The following SPTA1 variants were observed in gnomAD, a reference collection of about 807,000 sequenced individuals.
SPTA1 encodes spectrin alpha chain, erythrocytic 1.
In SPTA1, 177 loss-of-function variants were observed where a neutral mutation model predicts 324.7. The ratio of observed to expected loss-of-function variants is 0.55; its 90% CI spans 0.48 to 0.62. The LOEUF is 0.62. SPTA1 is among the 20% of genes least tolerant of loss of function. The pLI is 0.00. For missense variants in SPTA1, 3,162 were observed against 2,883.6 expected, an observed-to-expected ratio of 1.10 and a Z score of -2.21; for synonymous variants, 1,195 against 1,041.3, an observed-to-expected ratio of 1.15 and a Z score of -2.84.
intron 36 of SPTA1, among the ~76,000 whole-genome samples, chr1:158,637,399 G>GA (rs575523340): frequency 4.2e-4 from 64 of 152,346 alleles, no homozygotes; most frequent in African/African-American, 1.3e-3. Flanking sequence ...AGAGAAGCGT[G>GA]ATGAGGCAGG....
At chr1:158,685,440 C>A in intron 1 of SPTA1, 93 bp from the exon 2 acceptor site, 2 of 1,555,444 alleles carry the variant, frequency 1.3e-6, no homozygotes, top group South Asian at 1.1e-5. Flanking sequence ...TCATGTTGGA[C>A]CTATATTCAG....
intron 16 of SPTA1, among the ~76,000 whole-genome samples, chr1:158,664,142 C>A (rs35978731): frequency 6.6e-6 from 1 of 152,078 alleles, no homozygotes. Flanking sequence ...GATCTAGAAC[C>A]AGACATATCA....
At chr1:158,642,222 A>G (rs910607768) in intron 33 of SPTA1, among the ~76,000 whole-genome samples, 189 bp downstream of exon 33, 1 of 152,082 alleles carries the variant, frequency 6.6e-6, no homozygotes, top group Admixed American at 6.6e-5. Context: ...TGACAAGTTA[A>G]TGGGTGCAGC....
At position 158,680,602 on chromosome 1, in the gene SPTA1, T is replaced by C. The variant is rs1256954130; in HGVS notation, c.659A>G (p.Tyr220Cys). 6.2e-7 allele frequency: 1 copy of C among 1,613,898 alleles called. No homozygotes were observed. Among genetic ancestry groups the C allele is most frequent in the Admixed American group, 1.7e-5 (1 of 59,990 alleles). ...CCTCACCTCGGCACACTCATTGGCA[T>C]ATTGGTTCACTTCAACAACTCTCCC... Reference protein sequence around the residue: ...KEGRVVEVNQYANECAEENHP... With the variant: ...KEGRVVEVNQCANECAEENHP... The change falls in exon 5 of 52, where the codon TAT becomes TGT. Residue 220 changes from tyrosine (Y) to cysteine (C), a missense_variant. Transcript: ENST00000643759.
At position 158,659,642 on chromosome 1, in the gene SPTA1, C is replaced by T. The variant is rs376074766; in HGVS notation, c.2587+1645G>A. On this transcript the variant is annotated intron_variant, in intron 18 of 51. Coordinates refer to ENST00000643759, the MANE Select transcript of SPTA1 (RefSeq NM_003126.4). ...TTTTTGAGACGGAGTCTCGCTCTGT[C>T]GCCCAGGCCGGACTGCGGACTGCAG... is the stretch of plus-strand genomic sequence containing the variant. Among the ~76,000 whole-genome samples the T allele has an allele frequency of 3.2e-4, 10 of 31,120 alleles. 1 individual carries two copies. The East Asian group carries it at 7.0e-3, about 22-fold the overall frequency. 20.4% of individuals were successfully genotyped at this position (31,120 alleles called of 152,430 possible). A position where few individuals can be genotyped will look rare whatever the true frequency, so the allele number is the denominator to read the frequency against.
chr1:158,652,315 C>T, intron 23 of SPTA1, 152 bp downstream of exon 23: 2 of 854,718 alleles, frequency 2.3e-6, no homozygotes, highest in Non-Finnish European at 3.7e-6. Flanking sequence ...TTAGCAACTA[C>T]AATACCTAGA....
chr1:158,686,377 T>C, intron 1 of SPTA1, 117 bp downstream of exon 1: 1 of 810,010 alleles, frequency 1.2e-6, no homozygotes, highest in Non-Finnish European at 2.1e-6. Flanking sequence ...ATTATCTATT[T>C]GTTAAAAGCC....
In SPTA1 at chr1:158,613,775, T is replaced by C. The variant is rs758474771; in HGVS notation, c.6935A>G (p.Glu2312Gly). The C allele has an allele frequency of 1.4e-5, 23 of 1,613,736 alleles. No individual in the cohort carries two copies. The highest frequency in any genetic ancestry group is 1.9e-5 in the Non-Finnish European group (23 of 1,179,856). ...GLNYYLPMVE[E>G]DEHEPKFEKF... ...CTCAAACTTGGGCTCATGTTCATCCTCCTCCACCATGGGCAAGTAGTAATT... is the reference window on the plus strand; with the variant it reads ...CTCAAACTTGGGCTCATGTTCATCCCCCTCCACCATGGGCAAGTAGTAATT... Residue 2312 changes from glutamate to glycine, a missense_variant, in exon 50 of 52, where the codon GAG (glutamate) becomes GGG (glycine). By Grantham distance (98) the Glu-to-Gly change is moderately conservative. Transcript: ENST00000643759.
At chr1:158,640,108 C>A in intron 33 of SPTA1, 101 bp from the exon 34 acceptor site, 1 of 1,488,614 alleles carries the variant, frequency 6.7e-7, no homozygotes, top group South Asian at 1.1e-5. Flanking sequence ...CAGGAACTAG[C>A]CAAAATTTGC....
intron 20 of SPTA1, among the ~76,000 whole-genome samples, chr1:158,655,861 A>C (rs555883809): frequency 1.3e-5 from 2 of 152,162 alleles, no homozygotes; most frequent in Non-Finnish European, 2.9e-5. Flanking sequence ...ATTCTTAACC[A>C]ATTGCATTTT....
In SPTA1 at chr1:158,615,325, G is replaced by T. The variant is rs750853080; in HGVS notation, c.6679C>A (p.Leu2227Met). ...VDLGDNLEDA[L>M]ILDIKYSTIG... ...GTGCTGTATTTGATATCAAGGATCA[G>T]AGCGTCTTCCAAGTTGTCCCCCAGG... The change falls in exon 48 of 52, where the codon CTG becomes ATG. Residue 2227 changes from leucine to methionine, a missense_variant. Coordinates refer to ENST00000643759, the MANE Select transcript of SPTA1 (RefSeq NM_003126.4). 5.0e-6 allele frequency: 8 copies of T among 1,614,094 alleles called. No individual in the cohort carries two copies. The South Asian group carries it at 7.7e-5, about 16-fold the overall frequency.
chr1:158,680,197 C>T (rs1654697955), intron 5 of SPTA1, among the ~76,000 whole-genome samples: 1 of 151,924 alleles, frequency 6.6e-6, no homozygotes, highest in African/African-American at 2.4e-5. Flanking sequence ...AATGATAGCT[C>T]AACATTATTT....
intron 27 of SPTA1, among the ~76,000 whole-genome samples, chr1:158,647,217 C>T (rs749890855): frequency 5.9e-5 from 9 of 152,122 alleles, no homozygotes; most frequent in East Asian, 1.9e-4. Context: ...TGTTTTCGGC[C>T]TCATTATGTT....
At position 158,642,317 on chromosome 1, in the gene SPTA1, A is replaced by C. The variant is rs571710420; in HGVS notation, c.4737+94T>G. On this transcript the variant is annotated intron_variant, in intron 33 of 51. Transcript: ENST00000643759. ...TAAAACTTAAAGTATAATAATAATA[A>C]AATTAAAAAAAATACAATAAATTAA... is the stretch of plus-strand genomic sequence containing the variant. 2.2e-6 allele frequency: 3 copies of C among 1,339,726 alleles called. No individual in the cohort carries two copies. In the African/African-American group the frequency reaches 4.6e-5, roughly 20 times the overall value. 83.0% of individuals were successfully genotyped at this position (1,339,726 alleles called of 1,614,324 possible). A position where few individuals can be genotyped will look rare whatever the true frequency, so the allele number is the denominator to read the frequency against.
chr1:158,635,735 G>A (rs1651019201), intron 38 of SPTA1, among the ~76,000 whole-genome samples, 178 bp downstream of exon 38: 1 of 152,206 alleles, frequency 6.6e-6, no homozygotes, highest in African/African-American at 2.4e-5. Flanking sequence ...TGATCATCGT[G>A]TCTGGGGTAT....
chr1:158,658,383 T>C (rs1050255318), intron 18 of SPTA1, among the ~76,000 whole-genome samples: 6 of 152,176 alleles, frequency 3.9e-5, no homozygotes, highest in Admixed American at 1.3e-4. Context: ...AGTATTTGTC[T>C]GATTACTCAT....
intron 41 of SPTA1, 113 bp downstream of exon 41, chr1:158,626,726 G>A: frequency 7.4e-7 from 1 of 1,344,030 alleles, no homozygotes; most frequent in Non-Finnish European, 1.1e-6. Context: ...GGAATGGGTA[G>A]TGATGGAAAC....
At chr1:158,642,640 T>C (rs1651692332) in intron 32 of SPTA1, 98 bp from the exon 33 acceptor site, 1 of 1,579,884 alleles carries the variant, frequency 6.3e-7, no homozygotes. Flanking sequence ...ATTTCTATCA[T>C]AACTGAGGTG....
At chr1:158,685,988 A>G (rs774015406) in intron 1 of SPTA1, among the ~76,000 whole-genome samples, 6 of 152,224 alleles carry the variant, frequency 3.9e-5, no homozygotes, top group Admixed American at 6.5e-5. Flanking sequence ...CTAAAACAAT[A>G]TATAAGTATC....
Sources: gnomAD v4.1 joint callset for allele counts (sites outside exome capture counted in the v4.1 genomes callset) on GRCh38, gnomAD v4.1.1 for gene constraint, MANE v1.5 for transcripts, NCBI Gene and HGNC (gene_info 2026-07-23, HGNC 2026-07-21) for gene names.